Variants in PIEZO2 observed in about 807,000 individuals in gnomAD.
PIEZO2 encodes the protein piezo type mechanosensitive ion channel component 2, also known as piezo-type mechanosensitive ion channel component 2.
In PIEZO2, 172 loss-of-function variants were observed where a neutral mutation model predicts 337.3. That is an observed-to-expected ratio of 0.51 (90% CI 0.45 to 0.58). PIEZO2 has a LOEUF of 0.58. PIEZO2 is among the 20% of genes least tolerant of loss of function. The probability of loss-of-function intolerance (pLI) is 0.00; values close to 1 mark genes in which losing one functional copy is unlikely to be tolerated. For missense variants in PIEZO2, 3,028 were observed against 3,391.3 expected, an observed-to-expected ratio of 0.89 and a Z score of 2.66; for synonymous variants, 1,251 against 1,228.5, an observed-to-expected ratio of 1.02 and a Z score of -0.38.
chr18:10,691,170 C>T, intron 48 of PIEZO2, 55 bp downstream of exon 48: 1 of 1,560,294 alleles, frequency 6.4e-7, no homozygotes, highest in Non-Finnish European at 8.7e-7. Flanking sequence ...ATCAAAATGC[C>T]TTTCCACCGC....
rs561064768 is a variant in PIEZO2, at chr18:11,077,993, T to C, written c.65-11771A>G. On this transcript the variant is annotated intron_variant, in intron 1 of 55. Coordinates refer to ENST00000674853, the MANE Select transcript of PIEZO2 (RefSeq NM_001378183.1). The surrounding 1 kb of genome is among the most constrained non-coding windows in gnomAD (Gnocchi z 4.8). ...AAAGGGGTGACAGCCAAGGCCACAA[T>C]ACACACACATACACGCAAAAACACA... Among the ~76,000 whole-genome samples, 6 of 151,372 alleles carry C rather than the reference T, an allele frequency of 4.0e-5. No individual in the cohort carries two copies. In the East Asian group the frequency reaches 1.2e-3, roughly 29 times the overall value.
rs1451138102 is a variant in PIEZO2, at chr18:10,943,225, T to A, written c.287-31997A>T. On this transcript the variant is annotated intron_variant, in intron 3 of 55. Coordinates refer to ENST00000674853, the MANE Select transcript of PIEZO2 (RefSeq NM_001378183.1). The surrounding 1 kb of genome is among the most constrained non-coding windows in gnomAD (Gnocchi z 4.5). ...AGTGGAGCTGTGAGAAGAGGGCCAC[T>A]GCCATCCTGTAGACCCCAGAATGGT... is the stretch of plus-strand genomic sequence containing the variant. Among the ~76,000 whole-genome samples the A allele has an allele frequency of 1.3e-5, 2 of 152,174 alleles. No homozygotes were observed. Among genetic ancestry groups the A allele is most frequent in the African/African-American group, 2.4e-5 (1 of 41,446 alleles).
chr18:11,025,661 A>G (rs903530003), intron 2 of PIEZO2, among the ~76,000 whole-genome samples: 2 of 152,154 alleles, frequency 1.3e-5, no homozygotes, highest in Admixed American at 1.3e-4. Context: ...TTTGACACAG[A>G]CATTTCCTGA....
At chr18:10,869,689 C>T (rs2042092757) in intron 5 of PIEZO2, among the ~76,000 whole-genome samples, 1 of 152,164 alleles carries the variant, frequency 6.6e-6, no homozygotes, top group South Asian at 2.1e-4. Context: ...AAGCACTCTT[C>T]CGTTTTTAGG....
Position 10,743,996 on chromosome 18 carries a change from G to A in PIEZO2, c.4514+146C>T, listed in dbSNP as rs528663115. On this transcript the variant is annotated intron_variant, in intron 31 of 55. Transcript: ENST00000674853. Reference sequence around the variant, plus strand: ...TCTAGTGGCATGAGCAACTGCCCCCGCACAAGAATAAATAAATAGGAAGTT... The same window carrying A: ...TCTAGTGGCATGAGCAACTGCCCCCACACAAGAATAAATAAATAGGAAGTT... 30 of 585,366 alleles carry A rather than the reference G, an allele frequency of 5.1e-5. No individual in the cohort carries two copies. The Admixed American group carries it at 5.1e-4, about 10-fold the overall frequency. The allele number at this position is 585,366 out of a possible 1,614,324, so 36.3% of individuals were successfully genotyped here.
intron 34 of PIEZO2, among the ~76,000 whole-genome samples, chr18:10,735,539 A>C (rs542917534): frequency 7.5e-4 from 115 of 152,328 alleles, no homozygotes; most frequent in African/African-American, 2.6e-3. Context: ...CAACATAGTG[A>C]AGATGTTCAT....
At position 10,929,029 on chromosome 18, in the gene PIEZO2, C is replaced by T. The variant is rs2031926767; in HGVS notation, c.287-17801G>A. Among the ~76,000 whole-genome samples the T allele has an allele frequency of 6.6e-6, 1 of 152,160 alleles. No individual in the cohort carries two copies. Among genetic ancestry groups the T allele is most frequent in the Admixed American group, 6.5e-5 (1 of 15,280 alleles). On this transcript the variant is annotated intron_variant, in intron 3 of 55. Transcript: ENST00000674853. This position sits in a 1 kb window ranked among gnomAD's most constrained non-coding sequence, Gnocchi z 5.6. ...GAAAAAAAGATTTTTTGGTTTGTCTCACTGCTGACTCAAAATGATTTACGG... is the reference window on the plus strand; with the variant it reads ...GAAAAAAAGATTTTTTGGTTTGTCTTACTGCTGACTCAAAATGATTTACGG...
Position 11,101,871 on chromosome 18 carries a change from T to G in PIEZO2, c.65-35649A>C, listed in dbSNP as rs746620290. Among the ~76,000 whole-genome samples the G allele has an allele frequency of 2.8e-4, 43 of 152,222 alleles. No individual in the cohort carries two copies. The highest frequency in any genetic ancestry group is 1.8e-4 in the Non-Finnish European group (12 of 68,034). On this transcript the variant is annotated intron_variant, in intron 1 of 55. Transcript: ENST00000674853. The surrounding 1 kb of genome is among the most constrained non-coding windows in gnomAD (Gnocchi z 4.4). ...CTCTTGTACTCTTGTACTATACTAC[T>G]TATAAGCTATCAAATTTGAAACCAC...
At chr18:10,885,401 A>G (rs999345804) in intron 4 of PIEZO2, among the ~76,000 whole-genome samples, 8 of 152,220 alleles carry the variant, frequency 5.3e-5, no homozygotes, top group African/African-American at 1.9e-4. Flanking sequence ...TCCAGCCTGG[A>G]CGACAGAGCG....
Position 10,682,727 on chromosome 18 carries a change from T to C in PIEZO2, c.7498-435A>G, listed in dbSNP as rs1337170721. Among the ~76,000 whole-genome samples the C allele has an allele frequency of 2.0e-5, 3 of 152,194 alleles. No homozygotes were observed. The highest frequency in any genetic ancestry group is 7.2e-5 in the African/African-American group (3 of 41,442). ...CTTTCAGTTGACCCTTCCCTGCCCT[T>C]GGAGGGTGAAAAAACATGATTTTTA... On this transcript the variant is annotated intron_variant, in intron 49 of 55. Coordinates refer to ENST00000674853, the MANE Select transcript of PIEZO2 (RefSeq NM_001378183.1). This position sits in a 1 kb window ranked among gnomAD's most constrained non-coding sequence, Gnocchi z 5.6.
At chr18:10,788,427 A>AAAGGAAGGAAGGAAGGAAGG (rs10532745) in intron 15 of PIEZO2, among the ~76,000 whole-genome samples, 4 of 123,948 alleles carry the variant, frequency 3.2e-5, no homozygotes, top group Non-Finnish European at 4.9e-5. Flanking sequence ...AAAAAGAAAG[A>AAAGGAAGGAAGGAAGGAAGG]AAGGAAGGAA....
rs565242180 is a variant in PIEZO2 at position 10,863,894 on chromosome 18, T to C, written c.493-6683A>G. Among the ~76,000 whole-genome samples, 7 of 151,892 alleles carry C rather than the reference T, an allele frequency of 4.6e-5. No homozygotes were observed. The highest frequency in any genetic ancestry group is 1.5e-4 in the African/African-American group (6 of 41,268). Reference sequence around the variant, plus strand: ...GTCACACACACACACACCTATATCATCCACTCAGTTCACATTAGTTCCAGA... The same window carrying C: ...GTCACACACACACACACCTATATCACCCACTCAGTTCACATTAGTTCCAGA... On this transcript the variant is annotated intron_variant, in intron 5 of 55. Coordinates refer to ENST00000674853, the MANE Select transcript of PIEZO2 (RefSeq NM_001378183.1). This position sits in a 1 kb window ranked among gnomAD's most constrained non-coding sequence, Gnocchi z 4.3.
intron 38 of PIEZO2, 85 bp from the exon 39 acceptor site, chr18:10,715,015 T>G: frequency 7.4e-7 from 1 of 1,345,228 alleles, no homozygotes; most frequent in Non-Finnish European, 1.0e-6. Context: ...AGACAGCTTT[T>G]CATACCCATG....
chr18:11,116,727 G>GAA lies in PIEZO2; in HGVS notation c.64+31796_64+31797dup, dbSNP rs553057306. On this transcript the variant is annotated intron_variant, in intron 1 of 55. Coordinates refer to ENST00000674853, the MANE Select transcript of PIEZO2 (RefSeq NM_001378183.1). This position sits in a 1 kb window ranked among gnomAD's most constrained non-coding sequence, Gnocchi z 5.0. ...GAGACTCCGTCTCAAAAAAAACAAAGAAAAAAAAAAATCATTCCATTTATC... is the reference window on the plus strand; with the variant it reads ...GAGACTCCGTCTCAAAAAAAACAAAGAAAAAAAAAAAAATCATTCCATTTATC... 4.2e-5 allele frequency among the ~76,000 whole-genome samples: 6 copies of GAA among 144,374 alleles called. No individual in the cohort carries two copies. The highest frequency in any genetic ancestry group is 7.6e-5 in the African/African-American group (3 of 39,594). The allele number at this position is 144,374 out of a possible 152,430, so 94.7% of individuals were successfully genotyped here. A position where few individuals can be genotyped will look rare whatever the true frequency, so the allele number is the denominator to read the frequency against.
At chr18:10,908,902 A>C (rs2030203219) in intron 4 of PIEZO2, 1 of 152,124 alleles carries the variant, frequency 6.6e-6, no homozygotes, top group African/African-American at 2.4e-5. Context: ...AGCCTGTGCA[A>C]TTTTTTCAGG....
At chr18:10,788,108 T>A (rs12608338) in intron 15 of PIEZO2, among the ~76,000 whole-genome samples, 43,915 of 152,004 alleles carry the variant, frequency 0.29, 7,456 homozygotes, top group Middle Eastern at 0.39. Flanking sequence ...AAAATATAAT[T>A]CAATTTTTAC....
Position 11,092,373 on chromosome 18 carries a change from C to T in PIEZO2, c.65-26151G>A, listed in dbSNP as rs2039118987. On this transcript the variant is annotated intron_variant, in intron 1 of 55. Transcript: ENST00000674853. This position sits in a 1 kb window ranked among gnomAD's most constrained non-coding sequence, Gnocchi z 4.5. ...ACAGAAAACTAAAAATACTATATTC[C>T]ATGTGATTCAATTTTATTAAGATAT... Among the ~76,000 whole-genome samples the T allele has an allele frequency of 6.6e-6, 1 of 152,032 alleles. No homozygotes were observed. Among genetic ancestry groups the T allele is most frequent in the African/African-American group, 2.4e-5 (1 of 41,380 alleles).
At position 11,045,295 on chromosome 18, in the gene PIEZO2, C is replaced by CAA. The variant is rs58924653; in HGVS notation, c.160+20830_160+20831dup. On this transcript the variant is annotated intron_variant, in intron 2 of 55. Coordinates refer to ENST00000674853, the MANE Select transcript of PIEZO2 (RefSeq NM_001378183.1). ...TGGGCGACAGAGTGAGACTCCGTCT[C>CAA]AAAAAAAAAAAAAAAAAAAAAAAAA... Among the ~76,000 whole-genome samples, 48 of 52,274 alleles carry CAA rather than the reference C, an allele frequency of 9.2e-4. 1 individual carries two copies. Among genetic ancestry groups the CAA allele is most frequent in the South Asian group, 2.0e-3 (2 of 1,008 alleles). The allele number at this position is 52,274 out of a possible 152,430, so 34.3% of individuals were successfully genotyped here. A position where few individuals can be genotyped will look rare whatever the true frequency, so the allele number is the denominator to read the frequency against.
chr18:10,890,185 A>C (rs1224974735), intron 4 of PIEZO2, among the ~76,000 whole-genome samples: 1 of 152,198 alleles, frequency 6.6e-6, no homozygotes, highest in Non-Finnish European at 1.5e-5. Flanking sequence ...CATACAGGGG[A>C]AGCCAGTGAT....
Sources: allele counts gnomAD v4.1 joint callset (sites outside exome capture counted in the v4.1 genomes callset), GRCh38; gene constraint gnomAD v4.1.1; non-coding constraint Gnocchi (gnomAD v3.1); transcripts MANE v1.5; gene names NCBI Gene and HGNC (gene_info 2026-07-23, HGNC 2026-07-21).